The following DAB1 variants were observed in gnomAD, a reference collection of about 807,000 sequenced individuals.
DAB1 encodes disabled homolog 1.
Under a neutral mutation model 64.6 loss-of-function variants are expected in DAB1, and 15 were observed. The ratio of observed to expected loss-of-function variants is 0.23; its 90% CI spans 0.16 to 0.36. The LOEUF is 0.36. Ranked by LOEUF, DAB1 falls within the 10% of genes least tolerant of loss-of-function variation. The pLI, the probability that DAB1 is intolerant of heterozygous loss-of-function variation, is 1.00. For synonymous variants in DAB1, 235 were observed against 251.9 expected, an observed-to-expected ratio of 0.93 and a Z score of 0.64; for missense variants, 596 against 706.7, an observed-to-expected ratio of 0.84 and a Z score of 1.78.
chr1:57,716,734 C>T (rs921269563), intron 6 of DAB1, among the ~76,000 whole-genome samples: 5 of 152,004 alleles, frequency 3.3e-5, no homozygotes, highest in Admixed American at 1.3e-4. Context: ...TAGACAAATT[C>T]GATTATATCA....
At chr1:57,234,936 A>C (rs897606163) in intron 2 of DAB1, among the ~76,000 whole-genome samples, 3 of 152,196 alleles carry the variant, frequency 2.0e-5, no homozygotes, top group Non-Finnish European at 4.4e-5. Context: ...CTTGCTTTGA[A>C]TGTCTCTGAC....
At chr1:58,351,180 T>C (rs1644051846) in intron 3 of DAB1, among the ~76,000 whole-genome samples, 2 of 152,276 alleles carry the variant, frequency 1.3e-5, no homozygotes, top group African/African-American at 4.8e-5. Context: ...TCATGTCCCT[T>C]GTAAGTTGTA....
In DAB1 at chr1:58,463,294, G is replaced by A. The variant is rs539342186; in HGVS notation, n.257+42766C>T. Among the ~76,000 whole-genome samples, 5 of 152,294 alleles carry A rather than the reference G, an allele frequency of 3.3e-5. No individual in the cohort carries two copies. In the South Asian group the frequency reaches 6.2e-4, roughly 19 times the overall value. ...TAGCTGAGTGTGGAGGTGACAGGTC[G>A]TCGTATGAGTGCCTGGGGACTCCTA... On this transcript the variant is annotated intron_variant and non_coding_transcript_variant, in intron 3 of 20. Transcript: ENST00000485760.
At chr1:57,357,037 T>A (rs977943386) in intron 1 of DAB1, among the ~76,000 whole-genome samples, 1 of 152,024 alleles carries the variant, frequency 6.6e-6, no homozygotes, top group Admixed American at 6.6e-5. Flanking sequence ...TTAACTAAGT[T>A]CATCCTGTGA....
At chr1:57,526,087 G>A (rs537775155) in intron 7 of DAB1, among the ~76,000 whole-genome samples, 11 of 151,952 alleles carry the variant, frequency 7.2e-5, no homozygotes, top group African/African-American at 2.4e-4. Flanking sequence ...ATAGGCACCC[G>A]CCACCACACC....
In DAB1 at chr1:56,997,420, T is replaced by A. The variant is rs1282178934; in HGVS notation, c.*724A>T. 1 of 152,204 alleles carries A rather than the reference T, an allele frequency of 6.6e-6. No homozygotes were observed. The highest frequency in any genetic ancestry group is 2.4e-5 in the African/African-American group (1 of 41,454). The allele number at this position is 152,204 out of a possible 1,614,324, so 9.4% of individuals were successfully genotyped here. A position where few individuals can be genotyped will look rare whatever the true frequency, so the allele number is the denominator to read the frequency against. ...TGGCAACATTCGTGATCATAATGAA[T>A]AATCAACCACTTATTTGTCTTGTAA... is the stretch of plus-strand genomic sequence containing the variant. On this transcript the variant is annotated 3_prime_UTR_variant, in exon 15 of 15. Coordinates refer to ENST00000371236, the MANE Select transcript of DAB1 (RefSeq NM_001365792.1).
intron 1 of DAB1, among the ~76,000 whole-genome samples, chr1:57,411,955 C>T (rs2101060481): frequency 6.6e-6 from 1 of 152,350 alleles, no homozygotes; most frequent in East Asian, 1.9e-4. Flanking sequence ...TGTAGCAACC[C>T]TGCATCAAAC....
chr1:57,236,271 G>A (rs1176649080), intron 2 of DAB1, among the ~76,000 whole-genome samples: 1 of 152,174 alleles, frequency 6.6e-6, no homozygotes, highest in Admixed American at 6.5e-5. Context: ...TTTGTCAGAA[G>A]CAGGGGATTC....
chr1:57,862,402 A>C (rs1443371096), intron 1 of DAB1: 1 of 152,156 alleles, frequency 6.6e-6, no homozygotes, highest in Admixed American at 6.6e-5. Flanking sequence ...TCATCATTGA[A>C]CTGAAATTAC....
chr1:58,359,682 A>ACATGATAGCAAGGGGTGAGAGT (rs1644145367), intron 3 of DAB1, among the ~76,000 whole-genome samples: 6 of 150,470 alleles, frequency 4.0e-5, no homozygotes, highest in Admixed American at 2.0e-4. Context: ...TGATAGGTAG[A>ACATGATAGCAAGGGGTGAGAGT]GATGATAGCA....
chr1:58,303,193 G>A (rs893183814), intron 4 of DAB1, among the ~76,000 whole-genome samples: 6 of 152,076 alleles, frequency 3.9e-5, no homozygotes, highest in Non-Finnish European at 5.9e-5. Context: ...TCCATCCTGG[G>A]TTCCAGTTCC....
intron 9 of DAB1, among the ~76,000 whole-genome samples, chr1:57,062,333 C>T (rs1352160574): frequency 6.6e-6 from 1 of 152,154 alleles, no homozygotes; most frequent in Non-Finnish European, 1.5e-5. Flanking sequence ...GCCAGCCTCT[C>T]CTACTGTCCC....
intron 6 of DAB1, among the ~76,000 whole-genome samples, chr1:57,744,812 A>G (rs1215514452): frequency 1.3e-5 from 2 of 152,200 alleles, no homozygotes; most frequent in Non-Finnish European, 2.9e-5. Flanking sequence ...GGCCGAGGAC[A>G]TGGTTCCTGT....
chr1:57,875,741 C>T (rs969953772), intron 1 of DAB1, among the ~76,000 whole-genome samples: 1 of 152,064 alleles, frequency 6.6e-6, no homozygotes, highest in Non-Finnish European at 1.5e-5. Context: ...TCCAGGTTGC[C>T]GTATTCTGAA....
At chr1:57,560,448 T>C (rs989723113) in intron 7 of DAB1, among the ~76,000 whole-genome samples, 1 of 152,148 alleles carries the variant, frequency 6.6e-6, no homozygotes. Flanking sequence ...ACAAGTCCAG[T>C]GGTGTGGGGC....
At chr1:58,216,550 T>C (rs1453641848) in intron 4 of DAB1, among the ~76,000 whole-genome samples, 1 of 152,194 alleles carries the variant, frequency 6.6e-6, no homozygotes, top group Admixed American at 6.5e-5. Flanking sequence ...TATCCAGTAT[T>C]GGGATTGTTG....
intron 3 of DAB1, among the ~76,000 whole-genome samples, chr1:58,450,557 A>G (rs1379201198): frequency 6.6e-6 from 1 of 152,194 alleles, no homozygotes; most frequent in Admixed American, 6.5e-5. Flanking sequence ...GATCGAGACC[A>G]TCCTGGCTAA....
At chr1:57,058,877 G>GCGTGAGATGTGAT (rs1650103069) in intron 9 of DAB1, among the ~76,000 whole-genome samples, 1 of 152,204 alleles carries the variant, frequency 6.6e-6, no homozygotes, top group Admixed American at 6.5e-5. Flanking sequence ...TTGCAAAGCC[G>GCGTGAGATGTGAT]CGTGAGATGT....
chr1:58,350,782 T>C (rs1470004135), intron 3 of DAB1, among the ~76,000 whole-genome samples: 1 of 152,214 alleles, frequency 6.6e-6, no homozygotes, highest in South Asian at 2.1e-4. Context: ...TGTGGTGTTA[T>C]TTCTGAGGCC....
Sources: allele counts gnomAD v4.1 joint callset (sites outside exome capture counted in the v4.1 genomes callset), GRCh38; gene constraint gnomAD v4.1.1; transcripts MANE v1.5; gene names NCBI Gene and HGNC (gene_info 2026-07-23, HGNC 2026-07-21).